PIGZ: variants seen among roughly 807,000 people sequenced by gnomAD.
The protein encoded by PIGZ is phosphatidylinositol glycan anchor biosynthesis class Z (Gwada blood group).
Under a neutral mutation model 16.4 loss-of-function variants are expected in PIGZ, and 16 were observed. The ratio of observed to expected loss-of-function variants is 0.97; its 90% confidence interval spans 0.66 to 1.48. The LOEUF (loss-of-function observed/expected upper bound fraction) is 1.48. Among genes scored for constraint, PIGZ ranks in the 40% most tolerant of loss-of-function variants. The pLI, the probability that PIGZ is intolerant of heterozygous loss-of-function variation, is 0.00. For missense variants in PIGZ, 770 were observed against 739.2 expected, an observed-to-expected ratio of 1.04 and a Z score of -0.48; for synonymous variants, 409 against 338.4, an observed-to-expected ratio of 1.21 and a Z score of -2.29.
intron 1 of PIGZ, among the ~76,000 whole-genome samples, chr3:196,962,898 AGT>A (rs1284295828): frequency 6.6e-6 from 1 of 152,240 alleles, no homozygotes; most frequent in African/African-American, 2.4e-5. Context: ...TTCAGAAACC[AGT>A]GCCGGTGCAG....
chr3:196,951,206 C>T (rs1422357425), intron 2 of PIGZ, among the ~76,000 whole-genome samples: 1 of 152,222 alleles, frequency 6.6e-6, no homozygotes, highest in Non-Finnish European at 1.5e-5. Context: ...AGAAGTAATG[C>T]CCTTCTCCTT....
chr3:196,958,819 C>T (rs763715294), intron 1 of PIGZ, among the ~76,000 whole-genome samples: 1 of 151,904 alleles, frequency 6.6e-6, no homozygotes, highest in Non-Finnish European at 1.5e-5. Context: ...TAGTTTAAGC[C>T]GTGTCAAATT....
intron 1 of PIGZ, among the ~76,000 whole-genome samples, chr3:196,956,034 C>T (rs532039373): frequency 7.3e-4 from 110 of 151,590 alleles, no homozygotes; most frequent in Non-Finnish European, 1.3e-3. Context: ...ACTCAGTTTC[C>T]AATATGCTAT....
chr3:196,954,052 G>A (rs1021888841), intron 1 of PIGZ, among the ~76,000 whole-genome samples: 2 of 151,996 alleles, frequency 1.3e-5, no homozygotes, highest in Non-Finnish European at 1.5e-5. Context: ...GGAGGCTGAG[G>A]CAGGCAGATT....
intron 1 of PIGZ, among the ~76,000 whole-genome samples, chr3:196,957,530 A>C (rs1195718707): frequency 2.6e-5 from 4 of 151,856 alleles, no homozygotes; most frequent in East Asian, 1.9e-4. Context: ...TTACAGGCGC[A>C]TGCCACCACA....
intron 1 of PIGZ, among the ~76,000 whole-genome samples, chr3:196,964,047 T>C (rs758248163): frequency 6.6e-6 from 1 of 151,726 alleles, no homozygotes; most frequent in Non-Finnish European, 1.5e-5. Flanking sequence ...TTTTTATTTT[T>C]ATTTATTTAT....
intron 1 of PIGZ, among the ~76,000 whole-genome samples, chr3:196,966,932 A>G (rs2108923557): frequency 6.6e-6 from 1 of 152,172 alleles, no homozygotes; most frequent in South Asian, 2.1e-4. Context: ...AGGCTTTAGG[A>G]TGAAGCGACA....
At chr3:196,957,571 G>A (rs894737085) in intron 1 of PIGZ, among the ~76,000 whole-genome samples, 3 of 151,906 alleles carry the variant, frequency 2.0e-5, no homozygotes, top group East Asian at 1.9e-4. Flanking sequence ...TAGTAGAGAC[G>A]GGGTTTCATC....
rs1323471910 is a variant in PIGZ, at chr3:196,952,149, T to G, written c.1-118A>C. The G allele has an allele frequency of 8.2e-6, 8 of 975,766 alleles. No individual in the cohort carries two copies. In the East Asian group the frequency reaches 1.8e-4, roughly 22 times the overall value. The allele number at this position is 975,766 out of a possible 1,614,324, so 60.4% of individuals were successfully genotyped here. A position where few individuals can be genotyped will look rare whatever the true frequency, so the allele number is the denominator to read the frequency against. On this transcript the variant is annotated intron_variant, in intron 1 of 2. Transcript: ENST00000412723. ...AAATGACAATAATAATAATAGCTAC[T>G]TCATACTCTATGCCCACTAACTGCC...
chr3:196,955,693 C>T (rs1717457282), intron 1 of PIGZ, among the ~76,000 whole-genome samples: 1 of 151,522 alleles, frequency 6.6e-6, no homozygotes, highest in South Asian at 2.1e-4. Flanking sequence ...ATTCTCCTGC[C>T]TCAGCCTCCC....
At chr3:196,954,466 C>T (rs1343328172) in intron 1 of PIGZ, among the ~76,000 whole-genome samples, 1 of 152,096 alleles carries the variant, frequency 6.6e-6, no homozygotes, top group African/African-American at 2.4e-5. Context: ...TCTTTATAAT[C>T]GTCACCAGAA....
intron 2 of PIGZ, among the ~76,000 whole-genome samples, chr3:196,949,744 G>A (rs1246432502): frequency 6.6e-6 from 1 of 152,110 alleles, no homozygotes; most frequent in Non-Finnish European, 1.5e-5. Context: ...GGGAGATGAG[G>A]TGGCAGTGTG....
At chr3:196,956,481 G>A (rs1717494236) in intron 1 of PIGZ, among the ~76,000 whole-genome samples, 1 of 152,156 alleles carries the variant, frequency 6.6e-6, no homozygotes, top group Non-Finnish European at 1.5e-5. Context: ...AACAGTATGA[G>A]GGAAACCACC....
rs969033823 is a variant in PIGZ, at chr3:196,968,773, G to C, written c.-87C>G. On this transcript the variant is annotated 5_prime_UTR_variant, in exon 1 of 3. Transcript: ENST00000412723. ...TCCCAGGAGGCCCCGGAGGCGGCGG[G>C]ACCGCAGGGCGGAGGGGAGGCCGTG... is the stretch of plus-strand genomic sequence containing the variant. 6.6e-5 allele frequency: 10 copies of C among 151,636 alleles called. No homozygotes were observed. The highest frequency in any genetic ancestry group is 2.0e-4 in the Admixed American group (3 of 15,208). The allele number at this position is 151,636 out of a possible 1,614,324, so 9.4% of individuals were successfully genotyped here.
At position 196,947,600 on chromosome 3, in the gene PIGZ, C is replaced by G. The variant is rs939915402; in HGVS notation, c.1297G>C (p.Gly433Arg). The change falls in exon 3 of 3, where the codon GGG becomes CGG. Residue 433 changes from glycine to arginine, a missense_variant. Transcript: ENST00000412723. ...GALLFGCLHQ[G>R]GLVPGLEYLE... is the part of the protein sequence containing the mutation. ...TACTCCAGGCCAGGCACCAGGCCCC[C>G]CTGATGCAGGCAGCCGAAGAGGAGG... 1.2e-6 allele frequency: 2 copies of G among 1,613,546 alleles called. No individual in the cohort carries two copies. The highest frequency in any genetic ancestry group is 1.3e-5 in the African/African-American group (1 of 74,932).
rs1553836737 is a variant in PIGZ, at chr3:196,948,888, C to CCTT, written c.212-204_212-203insAAG. On this transcript the variant is annotated intron_variant, in intron 2 of 2. Coordinates refer to ENST00000412723, the MANE Select transcript of PIGZ (RefSeq NM_025163.4). ...CTTCCCTTCCTTCCTTCCCTTCCTT[C>CCTT]CCCTTCCTTCCCTTCCCCTCCCCTC... 4.6e-3 allele frequency among the ~76,000 whole-genome samples: 50 copies of CCTT among 10,762 alleles called. 6 individuals are homozygous for CCTT. The highest frequency in any genetic ancestry group is 0.024 in the African/African-American group (43 of 1,814). The allele number at this position is 10,762 out of a possible 152,430, so 7.1% of individuals were successfully genotyped here.
chr3:196,964,270 C>T (rs1240243423), intron 1 of PIGZ, among the ~76,000 whole-genome samples: 5 of 147,898 alleles, frequency 3.4e-5, no homozygotes, highest in South Asian at 2.2e-4. Context: ...AGGATGGTCT[C>T]GATCTCCTGA....
In PIGZ at chr3:196,948,525, C is replaced by G; in HGVS notation, c.372G>C (p.Ala124=). Residue 124 remains alanine, a synonymous_variant, in exon 3 of 3, where the codon GCG becomes GCC. Transcript: ENST00000412723. ...GGAGGAGTCGAGGCCCCACCAGCAGCGCATAGCCGCTCACCAGGCCAGGCC... is the reference window on the plus strand; with the variant it reads ...GGAGGAGTCGAGGCCCCACCAGCAGGGCATAGCCGCTCACCAGGCCAGGCC... ...GPWPGLVSGY[A]LLVGPRLLLT... 6.2e-7 allele frequency: 1 copy of G among 1,610,960 alleles called. No individual in the cohort carries two copies. Among genetic ancestry groups the G allele is most frequent in the Non-Finnish European group, 8.5e-7 (1 of 1,178,664 alleles).
chr3:196,952,370 G>T (rs1472937244), intron 1 of PIGZ, among the ~76,000 whole-genome samples: 1 of 152,184 alleles, frequency 6.6e-6, no homozygotes, highest in African/African-American at 2.4e-5. Flanking sequence ...CAGATAGCTG[G>T]TAGAACATTA....
Sources: allele counts gnomAD v4.1 joint callset (sites outside exome capture counted in the v4.1 genomes callset), GRCh38; gene constraint gnomAD v4.1.1; transcripts MANE v1.5; gene names NCBI Gene and HGNC (gene_info 2026-07-23, HGNC 2026-07-21).